Variants in CC2D2B observed in about 807,000 individuals in gnomAD.
The protein encoded by CC2D2B is coiled-coil and C2 domain containing 2B, also known as protein CC2D2B.
A neutral mutation model predicts 161.2 loss-of-function variants in CC2D2B; 128 were observed. That is an observed-to-expected ratio of 0.79 (90% CI 0.69 to 0.92). The LOEUF (loss-of-function observed/expected upper bound fraction) is 0.92. CC2D2B is among the 40% of genes least tolerant of loss of function. The probability of loss-of-function intolerance (pLI) is 0.00; values close to 1 mark genes in which losing one functional copy is unlikely to be tolerated. For synonymous variants in CC2D2B, 391 were observed against 449.8 expected (o/e 0.87, Z 1.65); for missense variants, 1,173 against 1,375.1 (o/e 0.85, Z 2.32).
rs1195331255 is a variant in CC2D2B, at chr10:96,032,980, C to G, written c.*972C>G. On this transcript the variant is annotated 3_prime_UTR_variant, in exon 35 of 35. Coordinates refer to ENST00000646931, the MANE Select transcript of CC2D2B (RefSeq NM_001349008.3). The stretch of plus-strand genomic sequence containing the variant: ...TAAGTAGGAAGCACTATACTTTCTT[C>G]TAGTTTATTGTTTTGTCCTTCATTA... 6.6e-6 allele frequency among the ~76,000 whole-genome samples: 1 copy of G among 152,126 alleles called. No individual in the cohort carries two copies. The highest frequency in any genetic ancestry group is 1.9e-4 in the East Asian group (1 of 5,200).
At chr10:95,907,948 T>C (rs1024221419), upstream of CC2D2B, 3 of 152,378 alleles carry the variant, frequency 2.0e-5, no homozygotes, top group African/African-American at 4.8e-5. Flanking sequence ...GCGGGCGCCG[T>C]AGGGCTGGCG....
intron 4 of CC2D2B, 135 bp downstream of exon 4, chr10:95,924,525 C>A (rs908850007): frequency 1.4e-5 from 8 of 575,058 alleles, no homozygotes; most frequent in Non-Finnish European, 2.2e-5. Context: ...CTTCCTCTCT[C>A]TCTCTATATA....
intron 34 of CC2D2B, among the ~76,000 whole-genome samples, chr10:96,027,895 T>A (rs2079852023): frequency 6.6e-6 from 1 of 152,138 alleles, no homozygotes; most frequent in Non-Finnish European, 1.5e-5. Context: ...GAAAATACAG[T>A]CTCTTCAATA....
rs1490409635 is a variant in CC2D2B, at chr10:95,961,823, T to C, written c.1110-6T>C. ...ACAAATTTTTGCTCTGCCATTTTTG[T>C]TGTAGTAATACAAAACAGATGTATG... On this transcript the variant is annotated splice_region_variant and splice_polypyrimidine_tract_variant and intron_variant, in intron 11 of 34. Coordinates refer to ENST00000646931, the MANE Select transcript of CC2D2B (RefSeq NM_001349008.3). 3.2e-6 allele frequency: 4 copies of C among 1,231,302 alleles called. No individual in the cohort carries two copies. The highest frequency in any genetic ancestry group is 4.1e-6 in the Non-Finnish European group (4 of 987,472). 76.3% of individuals were successfully genotyped at this position (1,231,302 alleles called of 1,614,324 possible). A position where few individuals can be genotyped will look rare whatever the true frequency, so the allele number is the denominator to read the frequency against.
chr10:96,013,764 C>G (rs1474416864), intron 28 of CC2D2B, 24 bp from the exon 29 acceptor site: 2 of 1,440,674 alleles, frequency 1.4e-6, no homozygotes, highest in African/African-American at 2.8e-5. Flanking sequence ...AGCACACACT[C>G]AATAAATGTG....
In CC2D2B at chr10:95,958,157, G is replaced by A. The variant is rs971956441; in HGVS notation, c.1109+2666G>A. ...AAAGATGCTCAAAGAACTAAAGAAA[G>A]ATGTCAAGAAAGTCAAGAAAACCGT... On this transcript the variant is annotated intron_variant, in intron 11 of 34. Transcript: ENST00000646931. 7.3e-5 allele frequency among the ~76,000 whole-genome samples: 11 copies of A among 150,832 alleles called. No individual in the cohort carries two copies. The Admixed American group carries it at 7.3e-4, about 10-fold the overall frequency.
intron 24 of CC2D2B, among the ~76,000 whole-genome samples, chr10:95,996,652 C>A (rs1190735688): frequency 6.6e-6 from 1 of 152,130 alleles, no homozygotes; most frequent in East Asian, 1.9e-4. Context: ...GTATTCATCC[C>A]TAAGTATGTA....
intron 15 of CC2D2B, among the ~76,000 whole-genome samples, chr10:95,969,600 A>G (rs764960858): frequency 3.1e-4 from 47 of 152,074 alleles, no homozygotes; most frequent in Non-Finnish European, 4.0e-4. Flanking sequence ...TACATATATA[A>G]ATCACAATTA....
chr10:96,005,103 T>A (rs1017528998), intron 25 of CC2D2B, among the ~76,000 whole-genome samples: 1 of 152,190 alleles, frequency 6.6e-6, no homozygotes, highest in Non-Finnish European at 1.5e-5. Context: ...AATAATTTGG[T>A]GATAGCTTTT....
At chr10:95,934,908 T>C (rs1452724204) in intron 6 of CC2D2B, among the ~76,000 whole-genome samples, 1 of 152,164 alleles carries the variant, frequency 6.6e-6, no homozygotes, top group African/African-American at 2.4e-5. Context: ...TCTTGGTCTG[T>C]CACCCAGGCT....
chr10:95,990,178 T>C (rs1430397753), intron 20 of CC2D2B, among the ~76,000 whole-genome samples: 1 of 152,178 alleles, frequency 6.6e-6, no homozygotes, highest in Non-Finnish European at 1.5e-5. Context: ...ATAAGTCAGA[T>C]AATTGGAAAC....
intron 2 of CC2D2B, chr10:95,921,417 G>GTCTTTCCTACTCTCTTCAGTGCC (rs2098526909): frequency 6.6e-6 from 1 of 152,080 alleles, no homozygotes; most frequent in Non-Finnish European, 1.5e-5. Flanking sequence ...ATTCAAGATC[G>GTCTTTCCTACTCTCTTCAGTGCC]TCTTTCCTAC....
Position 96,016,230 on chromosome 10 carries a change from G to C in CC2D2B, c.3546G>C (p.Lys1182Asn). 1 of 1,612,172 alleles carries C rather than the reference G, an allele frequency of 6.2e-7. No individual in the cohort carries two copies. The highest frequency in any genetic ancestry group is 8.5e-7 in the Non-Finnish European group (1 of 1,179,248). The change falls in exon 30 of 35, where the codon AAG becomes AAC. Residue 1182 changes from lysine to asparagine, a missense_variant. By Grantham distance (94) the Lys-to-Asn change is moderately conservative. Around this residue, in one of 3 missense-constraint regions of CC2D2B, gnomAD observed 598 missense variants for 693.2 expected, o/e 0.86. Transcript: ENST00000646931. ...EHCISLAIGN[K>N]EEHAILLCNF... ...GCATCAGTTTAGCTATCGGAAATAA[G>C]GAGGAGCATGCCATCCTTCTCTGTA...
In CC2D2B at chr10:95,993,566, G is replaced by A. The variant is rs532668683; in HGVS notation, c.2642+869G>A. On this transcript the variant is annotated intron_variant, in intron 22 of 34. Transcript: ENST00000646931. The stretch of plus-strand genomic sequence containing the variant: ...TTTTGCCAGTGTCTTACAAATTACA[G>A]CCTTGTTCTTCTAAAAGAATTAAGT... Among the ~76,000 whole-genome samples, 7 of 151,454 alleles carry A rather than the reference G, an allele frequency of 4.6e-5. No individual in the cohort carries two copies. The East Asian group carries it at 1.2e-3, about 25-fold the overall frequency.
chr10:95,989,330 T>A (rs909139551), intron 20 of CC2D2B, among the ~76,000 whole-genome samples: 1 of 152,150 alleles, frequency 6.6e-6, no homozygotes, highest in African/African-American at 2.4e-5. Flanking sequence ...GAGGGGCAAA[T>A]GAGATCAAAC....
chr10:95,961,844 G>C lies in CC2D2B; in HGVS notation c.1125G>C (p.Met375Ile). 4.9e-6 allele frequency: 6 copies of C among 1,231,550 alleles called. No homozygotes were observed. The highest frequency in any genetic ancestry group is 6.1e-6 in the Non-Finnish European group (6 of 987,572). 76.3% of individuals were successfully genotyped at this position (1,231,550 alleles called of 1,614,324 possible). A position where few individuals can be genotyped will look rare whatever the true frequency, so the allele number is the denominator to read the frequency against. The change falls in exon 12 of 35, where the codon ATG becomes ATC. Residue 375 changes from methionine to isoleucine, a missense_variant. By Grantham distance (10) the Met-to-Ile change is conservative (BLOSUM62 1). Transcript: ENST00000646931. Reference protein sequence around the residue: ...YYWQISNTKQMYDLERGKDLS... With the variant: ...YYWQISNTKQIYDLERGKDLS... The stretch of plus-strand genomic sequence containing the variant: ...TTTGTTGTAGTAATACAAAACAGAT[G>C]TATGACTTAGAAAGGGGAAAGGACC...
intron 28 of CC2D2B, 65 bp from the exon 29 acceptor site, chr10:96,013,723 T>C (rs1024979969): frequency 1.5e-5 from 13 of 870,758 alleles, no homozygotes; most frequent in Non-Finnish European, 2.2e-5. Flanking sequence ...AGAGAGTGCA[T>C]GTAAAGCATT....
At chr10:95,980,452 C>T (rs888637097) in intron 17 of CC2D2B, among the ~76,000 whole-genome samples, 6 of 152,054 alleles carry the variant, frequency 3.9e-5, no homozygotes, top group South Asian at 2.1e-4. Flanking sequence ...AAGGATATAA[C>T]GGGAAAAGTT....
At chr10:95,925,834 G>A (rs2098537392) in intron 5 of CC2D2B, among the ~76,000 whole-genome samples, 1 of 152,158 alleles carries the variant, frequency 6.6e-6, no homozygotes, top group Admixed American at 6.5e-5. Context: ...AGGATTTTAG[G>A]TTGATCTTTT....
Sources: gnomAD v4.1 joint callset for allele counts (sites outside exome capture counted in the v4.1 genomes callset) on GRCh38, gnomAD v4.1.1 for gene constraint, gnomAD v4.1.1 regional missense constraint, MANE v1.5 for transcripts, NCBI Gene and HGNC (gene_info 2026-07-23, HGNC 2026-07-21) for gene names.